Variants in ZNF33B observed in about 807,000 individuals in gnomAD.
The protein encoded by ZNF33B is zinc finger protein 11b (KOX 2).
ZNF33B carries 29 observed loss-of-function variants against 45.8 expected under a neutral mutation model. That is an observed-to-expected ratio of 0.63 (90% CI 0.47 to 0.86). The LOEUF (loss-of-function observed/expected upper bound fraction) is 0.86, where lower values mean the gene tolerates loss of function less well. Ranked by LOEUF, ZNF33B falls within the 40% of genes least tolerant of loss-of-function variation. The pLI, the probability that ZNF33B is intolerant of heterozygous loss-of-function variation, is 0.00. For missense variants in ZNF33B, 831 were observed against 909.9 expected (o/e 0.91, Z 1.12); for synonymous variants, 305 against 307.8 (o/e 0.99, Z 0.10).
intron 4 of ZNF33B, among the ~76,000 whole-genome samples, chr10:42,630,028 G>T (rs190416516): frequency 6.6e-6 from 1 of 152,212 alleles, no homozygotes; most frequent in African/African-American, 2.4e-5. Flanking sequence ...CATCAAAAAT[G>T]ATTCTAGAAA....
At chr10:42,583,859 T>C (rs1260751306) in intron 1 of ZNF33B, among the ~76,000 whole-genome samples, 1 of 152,024 alleles carries the variant, frequency 6.6e-6, no homozygotes, top group Non-Finnish European at 1.5e-5. Context: ...GACATCCTTG[T>C]TTCCCTTTCT....
At chr10:42,584,654 G>A (rs955563764), downstream of ZNF33B, among the ~76,000 whole-genome samples, 2 of 152,054 alleles carry the variant, frequency 1.3e-5, no homozygotes, top group African/African-American at 4.8e-5. Context: ...CCGAGTAGCT[G>A]GGATTACAGG....
intron 4 of ZNF33B, among the ~76,000 whole-genome samples, chr10:42,598,134 A>G (rs1280319042): frequency 2.0e-5 from 3 of 148,794 alleles, no homozygotes; most frequent in African/African-American, 7.4e-5. Context: ...TCTTAACACC[A>G]GAGAATCTAC....
At chr10:42,575,727 T>TAC (rs1554819602) in intron 1 of ZNF33B, among the ~76,000 whole-genome samples, 5 of 144,954 alleles carry the variant, frequency 3.4e-5, no homozygotes, top group Admixed American at 7.1e-5. Context: ...TATATATATA[T>TAC]ACATATATAT....
At chr10:42,622,732 T>C (rs767090691) in intron 4 of ZNF33B, among the ~76,000 whole-genome samples, 2 of 151,826 alleles carry the variant, frequency 1.3e-5, no homozygotes, top group Non-Finnish European at 2.9e-5. Flanking sequence ...GGTGATAGAG[T>C]TTCTGTTTGA....
chr10:42,579,054 C>A (rs1836786531), intron 1 of ZNF33B, among the ~76,000 whole-genome samples: 1 of 152,180 alleles, frequency 6.6e-6, no homozygotes, highest in Non-Finnish European at 1.5e-5. Context: ...TGGTCATTGT[C>A]TCTGCACGGG....
intron 4 of ZNF33B, among the ~76,000 whole-genome samples, chr10:42,631,193 GT>G (rs957674300): frequency 9.3e-5 from 14 of 151,094 alleles, no homozygotes; most frequent in African/African-American, 3.4e-4. Flanking sequence ...ACATAATTTT[GT>G]TTTTTTTTTA....
At position 42,638,562 on chromosome 10, in the gene ZNF33B, A is replaced by G; in HGVS notation, c.-133T>C. The stretch of plus-strand genomic sequence containing the variant: ...CGCCTCCCACGCAAAACGTGAGACA[A>G]ACAAAAGGAAAGGCGGAAACGCAGA... On this transcript the variant is annotated 5_prime_UTR_variant, in exon 1 of 5. Transcript: ENST00000359467. 2.1e-6 allele frequency: 1 copy of G among 475,088 alleles called. No individual in the cohort carries two copies. Among genetic ancestry groups the G allele is most frequent in the Non-Finnish European group, 4.2e-6 (1 of 237,762 alleles). The allele number at this position is 475,088 out of a possible 1,614,324, so 29.4% of individuals were successfully genotyped here. A position where few individuals can be genotyped will look rare whatever the true frequency, so the allele number is the denominator to read the frequency against.
chr10:42,582,916 T>G (rs1468321120), intron 1 of ZNF33B: 1 of 498,902 alleles, frequency 2.0e-6, no homozygotes, highest in Non-Finnish European at 3.7e-6. Context: ...GTTTCCAAAT[T>G]TGTTGCAGAG....
chr10:42,612,498 A>C (rs1838142988), intron 4 of ZNF33B, among the ~76,000 whole-genome samples: 1 of 152,096 alleles, frequency 6.6e-6, no homozygotes, highest in South Asian at 2.1e-4. Flanking sequence ...AGCATCCCAA[A>C]GTGCTGGGAT....
chr10:42,634,953 C>T (rs1839220550), intron 2 of ZNF33B, among the ~76,000 whole-genome samples: 1 of 152,154 alleles, frequency 6.6e-6, no homozygotes, highest in African/African-American at 2.4e-5. Flanking sequence ...AAAAATCAGA[C>T]ATTAAATATT....
downstream of ZNF33B, among the ~76,000 whole-genome samples, chr10:42,586,150 A>ATT (rs67457246): frequency 0.057 from 6,904 of 121,438 alleles, 509 homozygotes; most frequent in East Asian, 0.17. Flanking sequence ...TTTTCCTCAG[A>ATT]TTTTTTTTTT....
intron 4 of ZNF33B, among the ~76,000 whole-genome samples, chr10:42,625,220 G>C (rs192529225): frequency 1.3e-5 from 2 of 151,956 alleles, no homozygotes; most frequent in Non-Finnish European, 1.5e-5. Context: ...AAGAGACCAC[G>C]TATCTTCATT....
intron 4 of ZNF33B, among the ~76,000 whole-genome samples, chr10:42,617,394 G>A (rs570537356): frequency 9.9e-5 from 15 of 151,970 alleles, no homozygotes; most frequent in South Asian, 6.2e-4. Flanking sequence ...ATTTGCCACC[G>A]CACCCAGCCT....
Position 42,633,923 on chromosome 10 carries a change from C to T in ZNF33B, c.10-1484G>A, listed in dbSNP as rs568598282. Among the ~76,000 whole-genome samples the T allele has an allele frequency of 1.8e-4, 27 of 150,514 alleles. No homozygotes were observed. The South Asian group carries it at 4.0e-3, about 22-fold the overall frequency. On this transcript the variant is annotated intron_variant, in intron 2 of 4. Coordinates refer to ENST00000359467, the MANE Select transcript of ZNF33B (RefSeq NM_006955.3). ...GGCAGACATTGCAGTCAGCCGAGGT[C>T]GGCACCACTGCACTCCAGCCTGGGT... is the stretch of plus-strand genomic sequence containing the variant.
At chr10:42,582,197 C>G (rs1426894838) in intron 1 of ZNF33B, 1 of 152,108 alleles carries the variant, frequency 6.6e-6, no homozygotes, top group Non-Finnish European at 1.5e-5. Context: ...ATGACAGTCA[C>G]AGTCTATTCA....
intron 4 of ZNF33B, among the ~76,000 whole-genome samples, chr10:42,602,603 T>C (rs1272874563): frequency 2.0e-5 from 3 of 152,204 alleles, no homozygotes; most frequent in Non-Finnish European, 4.4e-5. Context: ...CTTAAGTCAC[T>C]TGGAAACAAT....
chr10:42,578,969 G>A (rs1836785617), intron 1 of ZNF33B, among the ~76,000 whole-genome samples: 1 of 152,158 alleles, frequency 6.6e-6, no homozygotes, highest in South Asian at 2.1e-4. Context: ...CCTGCCAAGA[G>A]TTCCCTGGGA....
chr10:42,600,057 A>G (rs1290828624), intron 4 of ZNF33B, among the ~76,000 whole-genome samples: 2 of 152,146 alleles, frequency 1.3e-5, no homozygotes, highest in Non-Finnish European at 2.9e-5. Flanking sequence ...AAAATACTCT[A>G]TATGACTTCA....
Sources: gnomAD v4.1 joint callset for allele counts (sites outside exome capture counted in the v4.1 genomes callset) on GRCh38, gnomAD v4.1.1 for gene constraint, MANE v1.5 for transcripts, NCBI Gene and HGNC (gene_info 2026-07-23, HGNC 2026-07-21) for gene names.